ARHGEF6: variants seen among roughly 807,000 people sequenced by gnomAD.
The protein encoded by ARHGEF6 is Rac/Cdc42 guanine nucleotide exchange factor 6.
In ARHGEF6, 9 loss-of-function variants were observed where a neutral mutation model predicts 70.3. That is an observed-to-expected ratio of 0.13 (90% CI 0.08 to 0.22). The LOEUF is 0.22. ARHGEF6 is among the 10% of genes least tolerant of loss of function. The pLI is 1.00. For missense variants in ARHGEF6, 470 were observed against 563.0 expected (o/e 0.83, Z 1.67); for synonymous variants, 201 against 207.8 (o/e 0.97, Z 0.28).
chrX:136,723,038 C>A (rs1391615787), intron 6 of ARHGEF6, among the ~76,000 whole-genome samples: 2 of 112,367 alleles, frequency 1.8e-5, no homozygotes, highest in Non-Finnish European at 3.8e-5. Flanking sequence ...TGAAAGAAAC[C>A]AAACACAAAA....
intron 6 of ARHGEF6, among the ~76,000 whole-genome samples, chrX:136,724,295 G>T (rs1460394156): frequency 9.2e-6 from 1 of 109,156 alleles, no homozygotes; most frequent in Non-Finnish European, 1.9e-5. Context: ...GGCCAGGCTG[G>T]TCTCGAACTC....
intron 6 of ARHGEF6, among the ~76,000 whole-genome samples, chrX:136,715,928 T>C (rs1323066323): frequency 1.8e-5 from 2 of 112,341 alleles, no homozygotes; most frequent in Non-Finnish European, 1.9e-5. Flanking sequence ...GTTTGTTTGC[T>C]TTGTTTGTTT....
intron 6 of ARHGEF6, among the ~76,000 whole-genome samples, chrX:136,716,010 G>C (rs1318581537): frequency 8.9e-6 from 1 of 112,376 alleles, no homozygotes; most frequent in Admixed American, 9.3e-5. Flanking sequence ...GCACAATCTC[G>C]GCTCACTACA....
intron 2 of ARHGEF6, among the ~76,000 whole-genome samples, chrX:136,753,425 G>C (rs1228701448): frequency 9.0e-6 from 1 of 111,564 alleles, no homozygotes; most frequent in Admixed American, 9.5e-5. Context: ...CATCTGGAAA[G>C]TGTCTTTGAG....
In ARHGEF6 at chrX:136,713,377, A is replaced by G. The variant is rs1305969496; in HGVS notation, c.733-7T>C. The stretch of plus-strand genomic sequence containing the variant: ...CCAGGATGTTCTGTAACACCTATGG[A>G]AAAAAAAGTCAATGTATTATAATCA... On this transcript the variant is annotated splice_polypyrimidine_tract_variant and splice_region_variant and intron_variant, in intron 6 of 21. Coordinates refer to ENST00000250617, the MANE Select transcript of ARHGEF6 (RefSeq NM_004840.3). 6 of 1,155,336 alleles carry G rather than the reference A, an allele frequency of 5.2e-6. No individual in the cohort carries two copies. The highest frequency in any genetic ancestry group is 7.1e-6 in the Non-Finnish European group (6 of 847,353).
intron 2 of ARHGEF6, among the ~76,000 whole-genome samples, chrX:136,774,516 T>G (rs1373725250): frequency 9.2e-6 from 1 of 108,260 alleles, no homozygotes; most frequent in Non-Finnish European, 1.9e-5. Flanking sequence ...CCGGGCGTGG[T>G]GGCGCGTGCC....
chrX:136,668,021 A>T lies in ARHGEF6; in HGVS notation c.*8T>A. 8.3e-7 allele frequency: 1 copy of T among 1,211,772 alleles called. No individual in the cohort carries two copies. Among genetic ancestry groups the T allele is most frequent in the Non-Finnish European group, 1.1e-6 (1 of 895,424 alleles). On this transcript the variant is annotated 3_prime_UTR_variant, in exon 22 of 22. Coordinates refer to ENST00000250617, the MANE Select transcript of ARHGEF6 (RefSeq NM_004840.3). ...GAAGGCACACTCCACCCAGTGGCACAGTGATGGTTATGGAAGAATTGAGGT... is the reference window on the plus strand; with the variant it reads ...GAAGGCACACTCCACCCAGTGGCACTGTGATGGTTATGGAAGAATTGAGGT...
At chrX:136,717,951 G>A (rs1055775311) in intron 6 of ARHGEF6, among the ~76,000 whole-genome samples, 3 of 111,260 alleles carry the variant, frequency 2.7e-5, no homozygotes, top group Non-Finnish European at 5.7e-5. Flanking sequence ...GACAAAAAGC[G>A]AACAACGAAA....
In ARHGEF6 at chrX:136,677,950, A is replaced by G. The variant is rs750917351; in HGVS notation, c.1837T>C (p.Ser613Pro). The G allele has an allele frequency of 1.7e-5, 21 of 1,205,732 alleles. No individual in the cohort carries two copies. The Admixed American group carries it at 2.4e-4, about 14-fold the overall frequency. Residue 613 changes from serine to proline, a missense_variant, in exon 17 of 22, where the codon TCT (serine) becomes CCT (proline). Ser to Pro is a moderately conservative substitution (Grantham distance 74). This residue lies in a region of ARHGEF6 where 379 missense variants were observed against 449.3 expected (regional missense o/e 0.84). Coordinates refer to ENST00000250617, the MANE Select transcript of ARHGEF6 (RefSeq NM_004840.3). ...ACTACCCTTACCTTTAAGATATAAG[A>G]CATCCTCTAAAATGAATATGTAAAG... is the stretch of plus-strand genomic sequence containing the variant. ...SAALGYKERMSYILKESSKSP... is the reference protein window; with the variant it reads ...SAALGYKERMPYILKESSKSP...
intron 18 of ARHGEF6, 50 bp from the exon 19 acceptor site, chrX:136,675,146 C>A: frequency 2.8e-6 from 3 of 1,061,314 alleles, no homozygotes; most frequent in Non-Finnish European, 3.9e-6. Flanking sequence ...GCTTTTGGAC[C>A]CTCAAAATGA....
chrX:136,734,591 C>G (rs2148651135), intron 5 of ARHGEF6, among the ~76,000 whole-genome samples: 1 of 111,969 alleles, frequency 8.9e-6, no homozygotes, highest in South Asian at 3.7e-4. Context: ...AGAATCAATA[C>G]TAATTCCATA....
intron 2 of ARHGEF6, among the ~76,000 whole-genome samples, chrX:136,747,884 C>T (rs1209556284): frequency 9.1e-6 from 1 of 109,986 alleles, no homozygotes; most frequent in Non-Finnish European, 1.9e-5. Context: ...CTCAGACCCA[C>T]TCTTCTGGCC....
intron 6 of ARHGEF6, among the ~76,000 whole-genome samples, chrX:136,727,754 G>A (rs1027997049): frequency 1.3e-4 from 14 of 110,711 alleles, no homozygotes; most frequent in Admixed American, 3.8e-4. Context: ...GGCTGGTCTC[G>A]AACTCCTGAC....
At chrX:136,776,880 T>A (rs902849065) in intron 2 of ARHGEF6, among the ~76,000 whole-genome samples, 1 of 79,738 alleles carries the variant, frequency 1.3e-5, no homozygotes, top group Non-Finnish European at 2.1e-5. Context: ...AATAAATAGA[T>A]AAATAAATAA....
intron 9 of ARHGEF6, among the ~76,000 whole-genome samples, chrX:136,700,712 T>C (rs2076562549): frequency 8.9e-6 from 1 of 111,984 alleles, no homozygotes; most frequent in Admixed American, 9.5e-5. Context: ...TAATTTATCA[T>C]GTCTGCCTTC....
rs764455151 is a variant in ARHGEF6, at chrX:136,680,683, T to G, written c.1704+48A>C. 4.2e-6 allele frequency: 5 copies of G among 1,195,372 alleles called. No homozygotes were observed. The East Asian group carries it at 1.5e-4, about 35-fold the overall frequency. ...CTTGTAAGTCTCCAGCAGGCAGGAG[T>G]TGACGAAAGACTCAATAATCTCTGG... On this transcript the variant is annotated intron_variant, in intron 15 of 21. Coordinates refer to ENST00000250617, the MANE Select transcript of ARHGEF6 (RefSeq NM_004840.3).
At chrX:136,735,376 C>T (rs1049778255) in intron 5 of ARHGEF6, among the ~76,000 whole-genome samples, 1 of 110,811 alleles carries the variant, frequency 9.0e-6, no homozygotes, top group African/African-American at 3.3e-5. Flanking sequence ...TTCTTACTCC[C>T]GCCATGTGAA....
chrX:136,690,337 T>C (rs2076446079), intron 10 of ARHGEF6, among the ~76,000 whole-genome samples: 1 of 111,051 alleles, frequency 9.0e-6, no homozygotes, highest in Non-Finnish European at 1.9e-5. Flanking sequence ...CAAGTAAGCA[T>C]AGACTTAAGG....
chrX:136,744,657 TA>T (rs1388417700), intron 4 of ARHGEF6, among the ~76,000 whole-genome samples: 2 of 111,259 alleles, frequency 1.8e-5, no homozygotes, highest in African/African-American at 6.5e-5. Flanking sequence ...TGACAGGAAA[TA>T]AAGGTTTCAC....
Sources: allele counts gnomAD v4.1 joint callset (sites outside exome capture counted in the v4.1 genomes callset), GRCh38; gene constraint gnomAD v4.1.1; regional missense constraint gnomAD v4.1.1; transcripts MANE v1.5; gene names NCBI Gene and HGNC (gene_info 2026-07-23, HGNC 2026-07-21).